Variants in GRAMD1C observed in about 807,000 individuals in gnomAD.
GRAMD1C encodes the protein protein Aster-C.
GRAMD1C carries 89 observed loss-of-function variants against 97.8 expected under a neutral mutation model. The observed-to-expected ratio is 0.91, with a 90% CI of 0.77 to 1.09. The LOEUF (loss-of-function observed/expected upper bound fraction) is 1.09, where lower values mean the gene tolerates loss of function less well. Ranked by LOEUF, GRAMD1C falls within the 50% of genes least tolerant of loss-of-function variation. The pLI is 0.00. For missense variants in GRAMD1C, 740 were observed against 766.4 expected (o/e 0.97, Z 0.41); for synonymous variants, 256 against 267.0 (o/e 0.96, Z 0.40).
chr3:113,930,364 G>A (rs562816109), intron 10 of GRAMD1C, among the ~76,000 whole-genome samples: 103 of 152,222 alleles, frequency 6.8e-4, no homozygotes, highest in African/African-American at 2.2e-3. Flanking sequence ...GTGTTGTTCC[G>A]TCTCTGATAA....
rs1476069711 is a variant in GRAMD1C, at chr3:113,885,553, G to A, written c.540+2721G>A. 3.2e-6 allele frequency: 5 copies of A among 1,580,498 alleles called. No homozygotes were observed. The Admixed American group carries it at 5.0e-5, about 16-fold the overall frequency. ...TGATGGGGTCCTGAGGCCGCAGTCC[G>A]GCCTGTTAGGCCTCCTGACTTCATC... On this transcript the variant is annotated intron_variant, in intron 6 of 17. Transcript: ENST00000358160.
At chr3:113,910,086 T>TA (rs1021397960) in intron 9 of GRAMD1C, among the ~76,000 whole-genome samples, 12 of 151,928 alleles carry the variant, frequency 7.9e-5, no homozygotes, top group Non-Finnish European at 1.2e-4. Flanking sequence ...CATATGGCAT[T>TA]AAAAAAAACT....
intron 4 of GRAMD1C, 23 bp from the exon 5 acceptor site, chr3:113,876,142 A>T (rs755642282): frequency 1.7e-6 from 2 of 1,154,832 alleles, no homozygotes; most frequent in South Asian, 1.3e-5. Flanking sequence ...AAAATACATT[A>T]AAAAAATTTT....
chr3:113,909,689 T>C (rs1231598591), intron 9 of GRAMD1C, among the ~76,000 whole-genome samples: 2 of 152,252 alleles, frequency 1.3e-5, no homozygotes, highest in Admixed American at 6.5e-5. Flanking sequence ...CAAGTAGTTA[T>C]GGCAGGGATG....
intron 6 of GRAMD1C, among the ~76,000 whole-genome samples, chr3:113,887,537 A>T (rs865840903): frequency 5.5e-4 from 83 of 151,956 alleles, no homozygotes; most frequent in African/African-American, 1.8e-3. Context: ...CGTCTCTACT[A>T]AAAATACAAA....
At chr3:113,857,602 G>T (rs752741491) in intron 2 of GRAMD1C, among the ~76,000 whole-genome samples, 9 of 151,928 alleles carry the variant, frequency 5.9e-5, no homozygotes, top group Non-Finnish European at 1.0e-4. Context: ...GGTCTCGATC[G>T]CCTGACCTCG....
Position 113,945,718 on chromosome 3 carries a change from G to T in GRAMD1C, c.*240G>T. 2.3e-6 allele frequency: 1 copy of T among 440,512 alleles called. No homozygotes were observed. Among genetic ancestry groups the T allele is most frequent in the Non-Finnish European group, 4.0e-6 (1 of 248,388 alleles). 27.3% of individuals were successfully genotyped at this position (440,512 alleles called of 1,614,324 possible). The stretch of plus-strand genomic sequence containing the variant: ...GCTGTGAATTTCTTCAGTGAACCAT[G>T]AAATATATTATAGAACTGAATTTCT... On this transcript the variant is annotated 3_prime_UTR_variant, in exon 18 of 18. Transcript: ENST00000358160.
At chr3:113,832,631 C>T (rs1199753257) in intron 1 of GRAMD1C, among the ~76,000 whole-genome samples, 1 of 151,480 alleles carries the variant, frequency 6.6e-6, no homozygotes, top group Non-Finnish European at 1.5e-5. Context: ...AACCACCATT[C>T]TACTTCCTTT....
chr3:113,919,077 G>T (rs916547679), intron 10 of GRAMD1C: 1 of 162,648 alleles, frequency 6.1e-6, no homozygotes, highest in Non-Finnish European at 1.3e-5. Context: ...AATTATTTGT[G>T]GATTAAATCT....
In GRAMD1C at chr3:113,946,370, T is replaced by C. The variant is rs1938079326; in HGVS notation, c.*892T>C. 1 of 152,536 alleles carries C rather than the reference T, an allele frequency of 6.6e-6. No individual in the cohort carries two copies. The highest frequency in any genetic ancestry group is 2.1e-4 in the South Asian group (1 of 4,832). 9.4% of individuals were successfully genotyped at this position (152,536 alleles called of 1,614,324 possible). On this transcript the variant is annotated 3_prime_UTR_variant, in exon 18 of 18. Transcript: ENST00000358160. ...TTCCTTCTTTATGTATGTGTGTGACTTGTTTTGATTGGTAAGTTATAAGCC... is the reference window on the plus strand; with the variant it reads ...TTCCTTCTTTATGTATGTGTGTGACCTGTTTTGATTGGTAAGTTATAAGCC...
In GRAMD1C at chr3:113,945,468, T is replaced by C. The variant is rs76422038; in HGVS notation, c.1979T>C (p.Val660Ala). The C allele has an allele frequency of 9.5e-6, 15 of 1,580,742 alleles. No individual in the cohort carries two copies. Among genetic ancestry groups the C allele is most frequent in the Non-Finnish European group, 1.3e-5 (15 of 1,150,620 alleles). ...AATAAGAATAAGACTGGCATGGCTG[T>C]TGAAAGCTAGTGATCTGAAGGACTA... ...LLNKNKTGMA[V>A]ES Residue 660 changes from valine (V) to alanine (A), a missense_variant, in exon 18 of 18, where the codon GTT becomes GCT. Transcript: ENST00000358160.
intron 2 of GRAMD1C, among the ~76,000 whole-genome samples, chr3:113,856,230 T>C (rs1282236001): frequency 1.3e-5 from 2 of 152,220 alleles, no homozygotes; most frequent in East Asian, 3.9e-4. Flanking sequence ...CCTCCTCCTC[T>C]TTTACTTTTT....
At chr3:113,844,912 C>T (rs1243098325) in intron 2 of GRAMD1C, 3 of 286,508 alleles carry the variant, frequency 1.0e-5, no homozygotes, top group African/African-American at 6.7e-5. Context: ...ATTCCACTTA[C>T]ACTGTAGCTC....
intron 10 of GRAMD1C, among the ~76,000 whole-genome samples, chr3:113,918,994 G>A (rs1936936903): frequency 6.6e-6 from 1 of 152,128 alleles, no homozygotes; most frequent in Non-Finnish European, 1.5e-5. Flanking sequence ...ACCTGGGCTG[G>A]TATTTCTTGA....
In GRAMD1C at chr3:113,935,990, T is replaced by G. The variant is rs146568874; in HGVS notation, c.1457-276T>G. On this transcript the variant is annotated intron_variant, in intron 13 of 17. Transcript: ENST00000358160. ...TAGCCTGTTGTTTCCATAACTGAAA[T>G]TATTACATTAATATGTATTAATAAC... 7.2e-3 allele frequency among the ~76,000 whole-genome samples: 1,090 copies of G among 152,308 alleles called. 16 individuals are homozygous for G. Among genetic ancestry groups the G allele is most frequent in the African/African-American group, 0.024 (992 of 41,560 alleles).
rs137966686 is a variant in GRAMD1C at position 113,901,063 on chromosome 3, C to G, written c.573C>G (p.Leu191=). Reference sequence around the variant, plus strand: ...CTAGACAGGAATTCTGGCAACTGCTCCAGCAGAACTATGGCACTGAGCTAG... The same window carrying G: ...CTAGACAGGAATTCTGGCAACTGCTGCAGCAGAACTATGGCACTGAGCTAG... ...SLTRQEFWQL[L]QQNYGTELGL... is the part of the protein sequence containing the mutation. The change falls in exon 7 of 18, where the codon CTC becomes CTG. Residue 191 remains leucine (L), a synonymous_variant. Coordinates refer to ENST00000358160, the MANE Select transcript of GRAMD1C (RefSeq NM_017577.5). 626 of 1,608,360 alleles carry G rather than the reference C, an allele frequency of 3.9e-4. 3 individuals carry two copies. The highest frequency in any genetic ancestry group is 4.9e-4 in the Non-Finnish European group (580 of 1,175,054).
intron 5 of GRAMD1C, among the ~76,000 whole-genome samples, chr3:113,878,574 C>T (rs1935138979): frequency 6.6e-6 from 1 of 151,990 alleles, no homozygotes; most frequent in African/African-American, 2.4e-5. Flanking sequence ...ATCTGTTTAT[C>T]CATCTATCCA....
At chr3:113,939,700 A>C (rs1402739233) in intron 15 of GRAMD1C, 186 bp from the exon 16 acceptor site, 1 of 487,800 alleles carries the variant, frequency 2.1e-6, no homozygotes, top group African/African-American at 2.0e-5. Flanking sequence ...CTTTTCCTCA[A>C]CCTCCACTTA....
chr3:113,833,766 C>T (rs1005146111), intron 1 of GRAMD1C, among the ~76,000 whole-genome samples: 24 of 152,234 alleles, frequency 1.6e-4, no homozygotes, highest in African/African-American at 5.5e-4. Context: ...TAAGCATTCC[C>T]CTGATTGTGG....
Sources: gnomAD v4.1 joint callset for allele counts (sites outside exome capture counted in the v4.1 genomes callset) on GRCh38, gnomAD v4.1.1 for gene constraint, MANE v1.5 for transcripts, NCBI Gene and HGNC (gene_info 2026-07-23, HGNC 2026-07-21) for gene names.